ADGRL3: variants seen among roughly 807,000 people sequenced by gnomAD.
ADGRL3 encodes adhesion G protein-coupled receptor L3, also known as calcium-independent alpha-latrotoxin receptor 3.
In ADGRL3, 62 loss-of-function variants were observed where a neutral mutation model predicts 153.5. That is an observed-to-expected ratio of 0.40 (90% confidence interval 0.33 to 0.50). The LOEUF (loss-of-function observed/expected upper bound fraction) is 0.50. Among genes scored for constraint, ADGRL3 ranks in the 20% least tolerant of loss-of-function variants. The pLI is 0.47. For missense variants in ADGRL3, 1,641 were observed against 1,859.4 expected (o/e 0.88, Z 2.16); for synonymous variants, 710 against 672.5 (o/e 1.06, Z -0.86).
At chr4:62,053,656 C>T (rs1239421954) in intron 25 of ADGRL3, among the ~76,000 whole-genome samples, 1 of 151,490 alleles carries the variant, frequency 6.6e-6, no homozygotes, top group African/African-American at 2.4e-5. Flanking sequence ...CTAAATAGAA[C>T]AGAGCTGATT....
At position 61,573,864 on chromosome 4, in the gene ADGRL3, A is replaced by C. The variant is rs547563850; in HGVS notation, c.260-13363A>C. Among the ~76,000 whole-genome samples, 9 of 152,152 alleles carry C rather than the reference A, an allele frequency of 5.9e-5. No individual in the cohort carries two copies. The Middle Eastern group carries it at 0.01, about 173-fold the overall frequency. On this transcript the variant is annotated intron_variant, in intron 4 of 26. Coordinates refer to ENST00000683033, the MANE Select transcript of ADGRL3 (RefSeq NM_001387552.1). The stretch of plus-strand genomic sequence containing the variant: ...CTGTGAAATACTGGATATTATTCAC[A>C]TTTTATTATGGAATGGTATTTGACT...
intron 21 of ADGRL3, among the ~76,000 whole-genome samples, chr4:62,017,055 G>T (rs1188124780): frequency 6.6e-6 from 1 of 151,756 alleles, no homozygotes; most frequent in Non-Finnish European, 1.5e-5. Context: ...CAAATGTATT[G>T]AACATTATTA....
chr4:62,019,368 A>G (rs1473096524), intron 21 of ADGRL3, among the ~76,000 whole-genome samples: 2 of 152,018 alleles, frequency 1.3e-5, no homozygotes, highest in Admixed American at 1.3e-4. Flanking sequence ...TTGGTATCTA[A>G]TTTAACTTTA....
chr4:61,235,305 G>A (rs571222214), intron 1 of ADGRL3, among the ~76,000 whole-genome samples: 2 of 152,052 alleles, frequency 1.3e-5, no homozygotes, highest in Admixed American at 6.6e-5. Context: ...ATTAAGAAAG[G>A]GTTGAGAACT....
intron 8 of ADGRL3, among the ~76,000 whole-genome samples, chr4:61,742,381 C>A (rs947567511): frequency 6.6e-6 from 1 of 152,102 alleles, no homozygotes; most frequent in African/African-American, 2.4e-5. Flanking sequence ...CGGGTTCACA[C>A]TATTCTCCTG....
chr4:61,612,929 GAGA>G (rs1329550376), intron 5 of ADGRL3, among the ~76,000 whole-genome samples: 5 of 152,282 alleles, frequency 3.3e-5, no homozygotes, highest in East Asian at 1.9e-4. Context: ...GGAGAAAAGA[GAGA>G]AGAAGAAATC....
At chr4:61,610,574 A>T (rs1024751745) in intron 5 of ADGRL3, among the ~76,000 whole-genome samples, 1 of 152,188 alleles carries the variant, frequency 6.6e-6, no homozygotes, top group Non-Finnish European at 1.5e-5. Context: ...TTCCAAGTCT[A>T]AGATAATTTC....
At chr4:61,814,729 C>T (rs185018225) in intron 9 of ADGRL3, among the ~76,000 whole-genome samples, 2 of 152,186 alleles carry the variant, frequency 1.3e-5, no homozygotes, top group African/African-American at 2.4e-5. Context: ...AGTCTCTTAT[C>T]CCTTCTTGCC....
intron 9 of ADGRL3, among the ~76,000 whole-genome samples, chr4:61,856,951 T>C (rs538167858): frequency 3.4e-4 from 7 of 20,840 alleles, no homozygotes; most frequent in South Asian, 6.4e-3. Flanking sequence ...TTTCTTCTTC[T>C]CTTTCTTTCT....
chr4:62,058,791 A>AAGCTGG (rs1291099048), intron 25 of ADGRL3, among the ~76,000 whole-genome samples: 4 of 152,154 alleles, frequency 2.6e-5, no homozygotes, highest in Non-Finnish European at 4.4e-5. Flanking sequence ...TACAAATCAG[A>AAGCTGG]AGCTGGTTGG....
chr4:61,238,698 A>G (rs1012355844), intron 1 of ADGRL3, among the ~76,000 whole-genome samples: 6 of 152,062 alleles, frequency 3.9e-5, no homozygotes, highest in African/African-American at 1.4e-4. Flanking sequence ...TTATTTAACC[A>G]CTTACTTTTC....
At position 61,313,342 on chromosome 4, in the gene ADGRL3, C is replaced by T. The variant is rs112722642; in HGVS notation, c.-239-69782C>T. ...CATGCCACTATACATTTGTTAAAAC[C>T]CATAGGATGTACAACACAAAGAGTG... On this transcript the variant is annotated intron_variant, in intron 1 of 26. Coordinates refer to ENST00000683033, the MANE Select transcript of ADGRL3 (RefSeq NM_001387552.1). Among the ~76,000 whole-genome samples the T allele has an allele frequency of 6.6e-3, 1,001 of 152,212 alleles. 13 individuals carry two copies. The highest frequency in any genetic ancestry group is 0.023 in the African/African-American group (944 of 41,522).
intron 5 of ADGRL3, among the ~76,000 whole-genome samples, chr4:61,637,025 G>GAT (rs1183062776): frequency 2.0e-5 from 3 of 152,046 alleles, no homozygotes; most frequent in Admixed American, 6.6e-5. Context: ...AGTAGACTGT[G>GAT]ATATATATTA....
At chr4:62,010,014 G>A (rs893154060) in intron 21 of ADGRL3, among the ~76,000 whole-genome samples, 8 of 152,058 alleles carry the variant, frequency 5.3e-5, no homozygotes, top group Non-Finnish European at 1.0e-4. Context: ...GTATGGAGGA[G>A]AAGGCATGGT....
At chr4:62,034,450 T>C (rs1723885440) in intron 23 of ADGRL3, among the ~76,000 whole-genome samples, 1 of 151,880 alleles carries the variant, frequency 6.6e-6, no homozygotes, top group Admixed American at 6.6e-5. Context: ...ATTTTAAAAC[T>C]TTGGTCACAT....
chr4:61,341,726 A>G (rs1169369101), intron 1 of ADGRL3, among the ~76,000 whole-genome samples: 1 of 151,992 alleles, frequency 6.6e-6, no homozygotes, highest in Non-Finnish European at 1.5e-5. Flanking sequence ...TCTATATGCA[A>G]GGCCCACAAT....
chr4:61,943,029 G>T (rs1445482665), intron 15 of ADGRL3, among the ~76,000 whole-genome samples: 1 of 20,764 alleles, frequency 4.8e-5, no homozygotes, highest in Non-Finnish European at 8.5e-5. Flanking sequence ...TGATGTTAGG[G>T]TGTCAATTTT....
At chr4:61,422,475 G>A (rs181520697) in intron 2 of ADGRL3, among the ~76,000 whole-genome samples, 126 of 152,202 alleles carry the variant, frequency 8.3e-4, no homozygotes, top group African/African-American at 2.8e-3. Context: ...CATACACACA[G>A]ATATGGAAAA....
At chr4:61,282,524 G>A (rs1300507259) in intron 1 of ADGRL3, among the ~76,000 whole-genome samples, 1 of 151,952 alleles carries the variant, frequency 6.6e-6, no homozygotes, top group Non-Finnish European at 1.5e-5. Flanking sequence ...GCTTTTGGAG[G>A]CAGGAAGTTA....
Sources: gnomAD v4.1 joint callset for allele counts (sites outside exome capture counted in the v4.1 genomes callset) on GRCh38, gnomAD v4.1.1 for gene constraint, MANE v1.5 for transcripts, NCBI Gene and HGNC (gene_info 2026-07-23, HGNC 2026-07-21) for gene names.